The following NDRG2 variants were observed in gnomAD, a reference collection of about 807,000 sequenced individuals.
NDRG2 encodes protein NDRG2.
In NDRG2, 34 loss-of-function variants were observed where a neutral mutation model predicts 58.2. That is an observed-to-expected ratio of 0.58 (90% CI 0.44 to 0.78). NDRG2 has a LOEUF of 0.78. NDRG2 is among the 30% of genes least tolerant of loss of function. The pLI, the probability that NDRG2 is intolerant of heterozygous loss-of-function variation, is 0.00. For synonymous variants in NDRG2, 187 were observed against 175.9 expected, an observed-to-expected ratio of 1.06 and a Z score of -0.50; for missense variants, 434 against 471.2, an observed-to-expected ratio of 0.92 and a Z score of 0.73.
intron 1 of NDRG2, among the ~76,000 whole-genome samples, chr14:21,056,314 T>C (rs1176407681): frequency 1.3e-5 from 2 of 152,206 alleles, no homozygotes. Context: ...ATTTTAATAA[T>C]ACGCTAAATA....
chr14:21,017,934 C>T lies in NDRG2; in HGVS notation c.949+53G>A, dbSNP rs1341144407. Reference sequence around the variant, plus strand: ...GGCATTCACCTAAAACGGTTCCACCCCGTCAGTGCCTATCTCTCCTCTAGT... The same window carrying T: ...GGCATTCACCTAAAACGGTTCCACCTCGTCAGTGCCTATCTCTCCTCTAGT... On this transcript the variant is annotated intron_variant, in intron 15 of 15. Transcript: ENST00000556147. 51 of 1,613,658 alleles carry T rather than the reference C, an allele frequency of 3.2e-5. No homozygotes were observed. In the East Asian group the frequency reaches 1.1e-3, roughly 35 times the overall value.
At chr14:21,032,336 G>T (rs779319751) in intron 1 of NDRG2, 2 of 580,476 alleles carry the variant, frequency 3.4e-6, no homozygotes, top group South Asian at 1.5e-5. Context: ...CCAAGAACAG[G>T]ATGGAAGAAT....
intron 1 of NDRG2, among the ~76,000 whole-genome samples, chr14:21,066,537 T>C (rs750932163): frequency 2.6e-4 from 40 of 152,212 alleles, no homozygotes; most frequent in Non-Finnish European, 4.6e-4. Flanking sequence ...GGTTTCCCCA[T>C]GTTGGCCAGG....
chr14:21,035,214 C>A (rs1884541845), intron 1 of NDRG2, among the ~76,000 whole-genome samples: 1 of 152,254 alleles, frequency 6.6e-6, no homozygotes, highest in Non-Finnish European at 1.5e-5. Flanking sequence ...CCACAGCCTT[C>A]ACCTGTGACC....
chr14:21,018,539 C>T (rs772702617), intron 12 of NDRG2, 35 bp from the exon 13 acceptor site: 24 of 1,610,294 alleles, frequency 1.5e-5, no homozygotes, highest in Admixed American at 1.0e-4. Context: ...AATGAGGTCA[C>T]GCCCACTGTG....
chr14:21,023,952 A>T (rs1998847), intron 1 of NDRG2, 78 bp downstream of exon 1: 1 of 986,110 alleles, frequency 1.0e-6, no homozygotes, highest in Non-Finnish European at 1.2e-6. Flanking sequence ...CAAGTTCAAC[A>T]TTAGTGGGTG....
At chr14:21,062,399 C>T (rs1435347028) in intron 1 of NDRG2, among the ~76,000 whole-genome samples, 1 of 152,142 alleles carries the variant, frequency 6.6e-6, no homozygotes. Context: ...GGAACCTGGA[C>T]CTCTGTCTCT....
intron 1 of NDRG2, chr14:21,033,742 C>A: frequency 9.6e-7 from 1 of 1,038,496 alleles, no homozygotes; most frequent in Non-Finnish European, 1.5e-6. Context: ...GGAAGGAAGT[C>A]TTGTTACAGG....
rs34429026 is a variant in NDRG2 at position 21,043,411 on chromosome 14, A to G, written c.25-20090T>C. The G allele has an allele frequency of 2.4e-5, 38 of 1,611,314 alleles. No individual in the cohort carries two copies. In the African/African-American group the frequency reaches 4.9e-4, roughly 21 times the overall value. Reference sequence around the variant, plus strand: ...GTGGCCTGTAAGCCTCCCCAGAAAAAGGACTCTCAGCAATTCCACCTGGTT... The same window carrying G: ...GTGGCCTGTAAGCCTCCCCAGAAAAGGGACTCTCAGCAATTCCACCTGGTT... On this transcript the variant is annotated intron_variant, in intron 1 of 14. Coordinates refer to the NDRG2 transcript ENST00000403829.
chr14:21,069,530 C>T (rs1886503129), intron 1 of NDRG2, among the ~76,000 whole-genome samples: 3 of 152,224 alleles, frequency 2.0e-5, no homozygotes, highest in Admixed American at 1.3e-4. Flanking sequence ...CGGCGAAATG[C>T]ACGCCCCTAC....
chr14:21,037,763 A>G (rs1201685715), intron 1 of NDRG2, among the ~76,000 whole-genome samples: 1 of 152,250 alleles, frequency 6.6e-6, no homozygotes, highest in Non-Finnish European at 1.5e-5. Context: ...TGTTGATTGT[A>G]ATGGTGCTGA....
chr14:21,049,636 C>A (rs1045095368), intron 1 of NDRG2, among the ~76,000 whole-genome samples: 3 of 151,982 alleles, frequency 2.0e-5, no homozygotes, highest in Non-Finnish European at 4.4e-5. Context: ...AGCAAAATAA[C>A]CCTGAGGACT....
At chr14:21,036,308 G>C (rs73585971) in intron 1 of NDRG2, 4,882 of 455,580 alleles carry the variant, frequency 0.011, 204 homozygotes, top group African/African-American at 0.087. Context: ...TCGTCTAAAA[G>C]TCTGCAATAG....
chr14:21,070,708 T>G lies in NDRG2; in HGVS notation c.24+120A>C. The G allele has an allele frequency of 8.3e-7, 1 of 1,201,036 alleles. No individual in the cohort carries two copies. The highest frequency in any genetic ancestry group is 1.2e-6 in the Non-Finnish European group (1 of 851,982). The allele number at this position is 1,201,036 out of a possible 1,614,324, so 74.4% of individuals were successfully genotyped here. ...CCCTCCTCTGTCCTGACCTGTGCCT[T>G]CCTTTCCTGGAGCTTCCCTCCCCCT... On this transcript the variant is annotated intron_variant, in intron 1 of 14. Coordinates refer to the NDRG2 transcript ENST00000403829. The surrounding 1 kb of genome is among the most constrained non-coding windows in gnomAD (Gnocchi z 4.7).
At position 21,068,125 on chromosome 14, in the gene NDRG2, G is replaced by A. The variant is rs1234087821; in HGVS notation, c.24+2703C>T. ...CGCCATTCTCCTGCCTCAGCCTCCC[G>A]AGTAGCTGGGACTACAGGCGCCCGC... On this transcript the variant is annotated intron_variant, in intron 1 of 14. Transcript: ENST00000403829. Among the ~76,000 whole-genome samples, 5 of 45,678 alleles carry A rather than the reference G, an allele frequency of 1.1e-4. 2 individuals are homozygous for A. Among genetic ancestry groups the A allele is most frequent in the South Asian group, 1.4e-3 (2 of 1,426 alleles). The allele number at this position is 45,678 out of a possible 152,430, so 30.0% of individuals were successfully genotyped here.
chr14:21,028,770 G>A (rs1211493925), upstream of NDRG2, among the ~76,000 whole-genome samples: 3 of 152,132 alleles, frequency 2.0e-5, no homozygotes, highest in African/African-American at 4.8e-5. Context: ...AGATCATTTA[G>A]AAACCAGAGT....
chr14:21,020,997 G>A (rs749431417), intron 6 of NDRG2, 153 bp from the exon 7 acceptor site: 19 of 829,990 alleles, frequency 2.3e-5, no homozygotes, highest in East Asian at 2.7e-5. Flanking sequence ...AAAAAGAAGG[G>A]CCCAAGAAGC....
chr14:21,041,437 A>C (rs957315743), intron 1 of NDRG2, among the ~76,000 whole-genome samples: 9 of 152,184 alleles, frequency 5.9e-5, no homozygotes, highest in African/African-American at 9.7e-5. Flanking sequence ...CTGAAAACAA[A>C]AATATTCCTC....
intron 1 of NDRG2, chr14:21,031,123 T>C: frequency 1.2e-6 from 2 of 1,614,156 alleles, no homozygotes; most frequent in Non-Finnish European, 1.7e-6. Context: ...AGAACATTTA[T>C]GGACTCATGG....
Sources: allele counts gnomAD v4.1 joint callset (sites outside exome capture counted in the v4.1 genomes callset), GRCh38; gene constraint gnomAD v4.1.1; non-coding constraint Gnocchi (gnomAD v3.1); transcripts MANE v1.5; gene names NCBI Gene and HGNC (gene_info 2026-07-23, HGNC 2026-07-21).